Variants in CELF4 observed in about 807,000 individuals in gnomAD.
CELF4 encodes the protein CUGBP Elav-like family member 4.
A neutral mutation model predicts 59.9 loss-of-function variants in CELF4; 18 were observed. The ratio of observed to expected loss-of-function variants is 0.30; its 90% confidence interval spans 0.21 to 0.45. The LOEUF is 0.45. CELF4 is among the 20% of genes least tolerant of loss of function. CELF4 has a pLI of 1.00. For synonymous variants in CELF4, 261 were observed against 267.1 expected (o/e 0.98, Z 0.22); for missense variants, 456 against 689.0 (o/e 0.66, Z 3.79).
At chr18:37,279,392 A>C (rs972778589) in intron 3 of CELF4, among the ~76,000 whole-genome samples, 31 of 152,232 alleles carry the variant, frequency 2.0e-4, no homozygotes, top group Admixed American at 9.2e-4. Context: ...AATTCTCTTG[A>C]CAGAGCCCAG....
At chr18:37,417,943 T>G (rs1168717678) in intron 2 of CELF4, among the ~76,000 whole-genome samples, 3 of 152,236 alleles carry the variant, frequency 2.0e-5, no homozygotes, top group Non-Finnish European at 4.4e-5. Flanking sequence ...TGGGGTCAAC[T>G]GAGCTTCAAG....
At chr18:37,273,671 C>T in intron 6 of CELF4, 1 of 988,060 alleles carries the variant, frequency 1.0e-6, no homozygotes, top group Non-Finnish European at 1.2e-6. Flanking sequence ...CGGAATGTGG[C>T]CAAGGCGGAC....
At chr18:37,486,009 TG>T (rs1050772211) in intron 1 of CELF4, 1 of 158,056 alleles carries the variant, frequency 6.3e-6, no homozygotes, top group African/African-American at 2.4e-5. Flanking sequence ...CACTTGACCA[TG>T]GGCTGTCTTT....
chr18:37,363,817 T>C (rs1410033856), intron 2 of CELF4, among the ~76,000 whole-genome samples: 1 of 152,086 alleles, frequency 6.6e-6, no homozygotes, highest in Non-Finnish European at 1.5e-5. Flanking sequence ...CCCTCCCACA[T>C]CTGTGCCTTT....
chr18:37,343,964 C>A (rs1389195876), intron 2 of CELF4, among the ~76,000 whole-genome samples: 1 of 152,182 alleles, frequency 6.6e-6, no homozygotes, highest in Non-Finnish European at 1.5e-5. Flanking sequence ...CTCTCTGCAA[C>A]CAAACTCCTC....
chr18:37,495,648 T>C (rs749909900), intron 1 of CELF4, among the ~76,000 whole-genome samples: 18 of 152,076 alleles, frequency 1.2e-4, no homozygotes, highest in Non-Finnish European at 2.6e-4. Context: ...TTGCTGGAGC[T>C]CTTCATGGCC....
intron 8 of CELF4, among the ~76,000 whole-genome samples, chr18:37,269,296 G>C (rs1331846750): frequency 6.6e-6 from 1 of 152,076 alleles, no homozygotes; most frequent in Non-Finnish European, 1.5e-5. Context: ...ATATATTATG[G>C]GGCAAGCTCT....
intron 3 of CELF4, among the ~76,000 whole-genome samples, chr18:37,321,585 C>A (rs547816332): frequency 2.0e-5 from 3 of 152,176 alleles, no homozygotes; most frequent in Non-Finnish European, 4.4e-5. Context: ...GACGCATAAA[C>A]CGCACCGTCT....
intron 2 of CELF4, among the ~76,000 whole-genome samples, chr18:37,422,867 A>C (rs1297295950): frequency 2.0e-5 from 3 of 152,210 alleles, no homozygotes; most frequent in Non-Finnish European, 4.4e-5. Context: ...CCCAGCAGAA[A>C]TGACCCATGA....
intron 2 of CELF4, among the ~76,000 whole-genome samples, chr18:37,380,810 T>TCCATCCATCCATCCAC (rs2099030468): frequency 6.6e-6 from 1 of 150,990 alleles, no homozygotes; most frequent in African/African-American, 2.4e-5. Context: ...CATCCATCCA[T>TCCATCCATCCATCCAC]CCATCCATCC....
intron 2 of CELF4, among the ~76,000 whole-genome samples, chr18:37,467,478 C>T (rs1412494394): frequency 6.6e-6 from 1 of 152,130 alleles, no homozygotes; most frequent in Non-Finnish European, 1.5e-5. Flanking sequence ...GAGCCACGCA[C>T]TTGGGAAAGT....
chr18:37,297,582 G>C (rs28539733), intron 3 of CELF4, among the ~76,000 whole-genome samples: 24,309 of 152,106 alleles, frequency 0.16, 2,362 homozygotes, highest in East Asian at 0.42. Context: ...AGTGACATGC[G>C]TACATCCTAA....
intron 2 of CELF4, among the ~76,000 whole-genome samples, chr18:37,373,107 C>A (rs1293810542): frequency 6.6e-6 from 1 of 152,236 alleles, no homozygotes; most frequent in Non-Finnish European, 1.5e-5. Flanking sequence ...CCAAGGCAAG[C>A]CAGAGAGACT....
At chr18:37,423,035 G>A (rs968950112) in intron 2 of CELF4, among the ~76,000 whole-genome samples, 1 of 151,236 alleles carries the variant, frequency 6.6e-6, no homozygotes, top group Non-Finnish European at 1.5e-5. Flanking sequence ...CATTGTGCAG[G>A]TTCTACACAT....
intron 2 of CELF4, among the ~76,000 whole-genome samples, chr18:37,443,730 G>A (rs1221127142): frequency 6.6e-6 from 1 of 152,130 alleles, no homozygotes; most frequent in South Asian, 2.1e-4. Context: ...CCCTCTCTGT[G>A]TCGGGGCTGG....
chr18:37,449,927 C>T (rs72639498), intron 2 of CELF4, among the ~76,000 whole-genome samples: 10,593 of 152,270 alleles, frequency 0.07, 484 homozygotes, highest in Non-Finnish European at 0.1. Flanking sequence ...ACACCCAGGA[C>T]GCCATGAGCC....
chr18:37,400,539 G>A (rs757125637), intron 2 of CELF4, among the ~76,000 whole-genome samples: 4 of 152,142 alleles, frequency 2.6e-5, no homozygotes, highest in Non-Finnish European at 4.4e-5. Context: ...TCCAGTAAAC[G>A]GAGAAGAATC....
intron 1 of CELF4, among the ~76,000 whole-genome samples, chr18:37,531,472 A>G (rs938985602): frequency 1.3e-5 from 2 of 152,192 alleles, no homozygotes; most frequent in Non-Finnish European, 2.9e-5. Flanking sequence ...GCTTTTAGCA[A>G]GAATTATATC....
intron 2 of CELF4, among the ~76,000 whole-genome samples, chr18:37,432,969 C>T (rs956772475): frequency 1.3e-5 from 2 of 152,214 alleles, no homozygotes; most frequent in South Asian, 4.1e-4. Context: ...ATGCCTGTCT[C>T]CTGTCCCAAT....
Sources: gnomAD v4.1 joint callset for allele counts (sites outside exome capture counted in the v4.1 genomes callset) on GRCh38, gnomAD v4.1.1 for gene constraint, MANE v1.5 for transcripts, NCBI Gene and HGNC (gene_info 2026-07-23, HGNC 2026-07-21) for gene names.